The following CFAP44 variants were observed in gnomAD, a reference collection of about 807,000 sequenced individuals.
CFAP44 encodes the protein cilia and flagella associated protein 44.
In CFAP44, 134 loss-of-function variants were observed where a neutral mutation model predicts 216.2. That is an observed-to-expected ratio of 0.62 (90% CI 0.54 to 0.72). The LOEUF (loss-of-function observed/expected upper bound fraction) is 0.72, where lower values mean the gene tolerates loss of function less well. Among genes scored for constraint, CFAP44 ranks in the 30% least tolerant of loss-of-function variants. CFAP44 has a pLI of 0.00. For synonymous variants in CFAP44, 700 were observed against 727.6 expected, an observed-to-expected ratio of 0.96 and a Z score of 0.61; for missense variants, 2,035 against 2,182.1, an observed-to-expected ratio of 0.93 and a Z score of 1.34.
chr3:113,353,453 T>TAC (rs34714015), intron 22 of CFAP44, among the ~76,000 whole-genome samples: 10,512 of 141,686 alleles, frequency 0.074, 398 homozygotes, highest in South Asian at 0.13. Context: ...TATGTATGAA[T>TAC]ACACACACAC....
intron 1 of CFAP44, among the ~76,000 whole-genome samples, 151 bp downstream of exon 1, chr3:113,441,302 G>A (rs1482433976): frequency 6.6e-6 from 1 of 152,232 alleles, no homozygotes; most frequent in African/African-American, 2.4e-5. Flanking sequence ...AATACTCGTG[G>A]CTTCAAAAGT....
Position 113,410,473 on chromosome 3 carries a change from T to C in CFAP44, c.674-1151A>G, listed in dbSNP as rs181136739. On this transcript the variant is annotated intron_variant, in intron 6 of 34. Coordinates refer to ENST00000393845, the MANE Select transcript of CFAP44 (RefSeq NM_001164496.2). The stretch of plus-strand genomic sequence containing the variant: ...TTCACCCATGTCCCTGCAAAGGACA[T>C]GAACTCATCCTTTTTTATGGCTGCA... Among the ~76,000 whole-genome samples the C allele has an allele frequency of 1.9e-3, 291 of 152,364 alleles. 2 individuals carry two copies. The highest frequency in any genetic ancestry group is 5.7e-3 in the African/African-American group (238 of 41,580).
chr3:113,325,936 C>T lies in CFAP44; in HGVS notation c.4516+509G>A, dbSNP rs531722208. ...CAAATGATCTTGACAAAGATCAAAG[C>T]AATTCAGTCGAAGAGAGACAACCTT... On this transcript the variant is annotated intron_variant, in intron 28 of 34. Transcript: ENST00000393845. Among the ~76,000 whole-genome samples, 4 of 152,162 alleles carry T rather than the reference C, an allele frequency of 2.6e-5. No homozygotes were observed. In the East Asian group the frequency reaches 5.8e-4, roughly 22 times the overall value.
intron 24 of CFAP44, among the ~76,000 whole-genome samples, chr3:113,336,463 T>C (rs1303597626): frequency 6.6e-6 from 1 of 151,958 alleles, no homozygotes; most frequent in Non-Finnish European, 1.5e-5. Context: ...ACAACTTAGA[T>C]GAAATGCACA....
At chr3:113,400,762 T>G in intron 11 of CFAP44, 118 bp from the exon 12 acceptor site, 1 of 961,378 alleles carries the variant, frequency 1.0e-6, no homozygotes, top group Non-Finnish European at 1.6e-6. Flanking sequence ...TGGATAGAAA[T>G]AAGAAAAAGC....
chr3:113,308,070 A>G, intron 29 of CFAP44, 88 bp downstream of exon 29: 4 of 929,822 alleles, frequency 4.3e-6, no homozygotes, highest in South Asian at 1.8e-5. Flanking sequence ...TTGAATTATC[A>G]GAGCACAGAG....
intron 22 of CFAP44, among the ~76,000 whole-genome samples, chr3:113,353,453 TACAC>T (rs34714015): frequency 0.16 from 22,328 of 141,604 alleles, 1,698 homozygotes; most frequent in Middle Eastern, 0.23. Flanking sequence ...TATGTATGAA[TACAC>T]ACACACACAC....
In CFAP44 at chr3:113,288,432, A is replaced by C. The variant is rs965825197; in HGVS notation, c.*3125T>G. ...AACAGGTAAATGTTAGGAAATGAGA[A>C]GCAGAGCAGGGAAGAGAAGAGAAAA... On this transcript the variant is annotated 3_prime_UTR_variant, in exon 35 of 35. Coordinates refer to ENST00000393845, the MANE Select transcript of CFAP44 (RefSeq NM_001164496.2). The C allele has an allele frequency of 1.3e-5, 2 of 152,232 alleles. No individual in the cohort carries two copies. The highest frequency in any genetic ancestry group is 1.3e-4 in the Admixed American group (2 of 15,286). 9.4% of individuals were successfully genotyped at this position (152,232 alleles called of 1,614,324 possible). A position where few individuals can be genotyped will look rare whatever the true frequency, so the allele number is the denominator to read the frequency against.
intron 26 of CFAP44, 87 bp downstream of exon 26, chr3:113,330,081 T>G (rs928689981): frequency 1.4e-6 from 2 of 1,422,974 alleles, no homozygotes; most frequent in Non-Finnish European, 1.8e-6. Context: ...GCAGAGAAAT[T>G]TTAAATAAAT....
At chr3:113,363,592 A>G (rs1950561873) in intron 19 of CFAP44, 60 bp from the exon 20 acceptor site, 6 of 1,398,252 alleles carry the variant, frequency 4.3e-6, no homozygotes, top group Non-Finnish European at 5.8e-6. Flanking sequence ...TCCTTAAAAT[A>G]TCTAGGAAGA....
intron 13 of CFAP44, among the ~76,000 whole-genome samples, chr3:113,396,967 C>A (rs1485668725): frequency 6.6e-6 from 1 of 152,210 alleles, no homozygotes; most frequent in Non-Finnish European, 1.5e-5. Flanking sequence ...TGTCTGCCTA[C>A]CACATGCTAA....
In CFAP44 at chr3:113,434,895, A is replaced by G. The variant is rs554413859; in HGVS notation, c.-5-1226T>C. On this transcript the variant is annotated intron_variant, in intron 1 of 34. Coordinates refer to ENST00000393845, the MANE Select transcript of CFAP44 (RefSeq NM_001164496.2). ...CTGGTATGCCTAAAGCAGATATGGT[A>G]CACTACACGATCAAAGGACAAAGGA... 9 of 152,318 alleles carry G rather than the reference A, an allele frequency of 5.9e-5. No homozygotes were observed. In the East Asian group the frequency reaches 1.7e-3, roughly 29 times the overall value. 9.4% of individuals were successfully genotyped at this position (152,318 alleles called of 1,614,324 possible). A position where few individuals can be genotyped will look rare whatever the true frequency, so the allele number is the denominator to read the frequency against.
At chr3:113,330,693 C>T (rs1035959239) in intron 25 of CFAP44, 25 bp from the exon 26 acceptor site, 1 of 1,514,744 alleles carries the variant, frequency 6.6e-7, no homozygotes, top group Non-Finnish European at 8.8e-7. Context: ...AGGAAGGAAA[C>T]AACAGTACAA....
At position 113,289,264 on chromosome 3, in the gene CFAP44, A is replaced by G. The variant is rs1949805155; in HGVS notation, c.*2293T>C. 1 of 152,262 alleles carries G rather than the reference A, an allele frequency of 6.6e-6. No homozygotes were observed. 9.4% of individuals were successfully genotyped at this position (152,262 alleles called of 1,614,324 possible). ...TGTTAACTGTCGTCAATTCCCAAAC[A>G]TGCGGAATGAAGCCCTGAATATTGT... On this transcript the variant is annotated 3_prime_UTR_variant, in exon 35 of 35. Coordinates refer to ENST00000393845, the MANE Select transcript of CFAP44 (RefSeq NM_001164496.2).
intron 33 of CFAP44, among the ~76,000 whole-genome samples, chr3:113,295,359 C>T (rs1413375837): frequency 3.3e-5 from 5 of 152,220 alleles, no homozygotes; most frequent in South Asian, 2.1e-4. Context: ...CAACACCACA[C>T]CCAGCTAATT....
intron 1 of CFAP44, among the ~76,000 whole-genome samples, chr3:113,439,041 C>G (rs1274756359): frequency 6.6e-6 from 1 of 152,218 alleles, no homozygotes; most frequent in East Asian, 1.9e-4. Flanking sequence ...TCCTTTAAGG[C>G]AGTCGAAGTT....
At chr3:113,342,284 A>G (rs1478115839) in intron 23 of CFAP44, among the ~76,000 whole-genome samples, 1 of 152,110 alleles carries the variant, frequency 6.6e-6, no homozygotes, top group Non-Finnish European at 1.5e-5. Context: ...AGTAAGCTGA[A>G]ATCTTGCCAC....
chr3:113,300,456 A>G (rs1341363197), intron 32 of CFAP44, among the ~76,000 whole-genome samples: 2 of 144,722 alleles, frequency 1.4e-5, no homozygotes, highest in Non-Finnish European at 3.0e-5. Context: ...TCTGTATAAG[A>G]ATATCCCATA....
chr3:113,419,666 G>A (rs1445440407), intron 5 of CFAP44, among the ~76,000 whole-genome samples: 1 of 152,126 alleles, frequency 6.6e-6, no homozygotes, highest in Admixed American at 6.6e-5. Context: ...CCATGTGCCT[G>A]CTTCAGTCTT....
Sources: allele counts gnomAD v4.1 joint callset (sites outside exome capture counted in the v4.1 genomes callset), GRCh38; gene constraint gnomAD v4.1.1; transcripts MANE v1.5; gene names NCBI Gene and HGNC (gene_info 2026-07-23, HGNC 2026-07-21).